Variants in PDE4D observed in about 807,000 individuals in gnomAD.
PDE4D encodes 3',5'-cyclic-AMP phosphodiesterase 4D.
PDE4D carries 24 observed loss-of-function variants against 87.4 expected under a neutral mutation model. That is an observed-to-expected ratio of 0.27 (90% confidence interval 0.20 to 0.39). The LOEUF is 0.39. Ranked by LOEUF, PDE4D falls within the 10% of genes least tolerant of loss-of-function variation. PDE4D has a pLI of 1.00. For missense variants in PDE4D, 714 were observed against 1,041.0 expected, an observed-to-expected ratio of 0.69 and a Z score of 4.32; for synonymous variants, 384 against 383.2, an observed-to-expected ratio of 1.00 and a Z score of -0.02.
chr5:59,796,054 G>T (rs1766444432), intron 1 of PDE4D, among the ~76,000 whole-genome samples: 1 of 152,164 alleles, frequency 6.6e-6, no homozygotes, highest in African/African-American at 2.4e-5. Context: ...CTGGCCTCCA[G>T]AACTGTGAGA....
chr5:60,343,564 C>T (rs1758490377), intron 1 of PDE4D, among the ~76,000 whole-genome samples: 1 of 152,186 alleles, frequency 6.6e-6, no homozygotes, highest in Non-Finnish European at 1.5e-5. Flanking sequence ...TTGCCTGTCA[C>T]ACATCCATTC....
chr5:59,310,045 C>G (rs1404605475), intron 1 of PDE4D, among the ~76,000 whole-genome samples: 1 of 152,164 alleles, frequency 6.6e-6, no homozygotes, highest in East Asian at 1.9e-4. Context: ...TAGCAGATTC[C>G]TCAGTTCATC....
chr5:59,459,789 A>G lies in PDE4D; in HGVS notation c.456-243821T>C, dbSNP rs893239914. Among the ~76,000 whole-genome samples, 56 of 152,214 alleles carry G rather than the reference A, an allele frequency of 3.7e-4. 1 individual carries two copies. The highest frequency in any genetic ancestry group is 1.1e-3 in the African/African-American group (47 of 41,462). On this transcript the variant is annotated intron_variant, in intron 1 of 14. Transcript: ENST00000340635. Reference sequence around the variant, plus strand: ...AGTCCTGTGTGGTTGTTAACTAATCACAGATCTCTAATCATCTGACAAAGT... The same window carrying G: ...AGTCCTGTGTGGTTGTTAACTAATCGCAGATCTCTAATCATCTGACAAAGT...
chr5:58,987,677 TCAA>T (rs1179170130), intron 11 of PDE4D, among the ~76,000 whole-genome samples: 6 of 152,312 alleles, frequency 3.9e-5, no homozygotes, highest in African/African-American at 1.2e-4. Flanking sequence ...TACAACATTT[TCAA>T]CAACTTTGCA....
At chr5:59,447,182 T>C (rs1205907609) in intron 1 of PDE4D, among the ~76,000 whole-genome samples, 1 of 152,198 alleles carries the variant, frequency 6.6e-6, no homozygotes, top group Non-Finnish European at 1.5e-5. Context: ...CCAAGAATCT[T>C]ACCTTCACTC....
intron 1 of PDE4D, among the ~76,000 whole-genome samples, chr5:59,819,057 C>T (rs185326161): frequency 2.8e-4 from 42 of 152,230 alleles, no homozygotes; most frequent in Middle Eastern, 6.8e-3. Context: ...TTGATCTATA[C>T]GTGCCTTATA....
At chr5:59,427,006 C>A (rs1297774911) in intron 1 of PDE4D, among the ~76,000 whole-genome samples, 2 of 26,994 alleles carry the variant, frequency 7.4e-5, no homozygotes, top group Admixed American at 3.5e-4. Context: ...TATACACACA[C>A]ACACACACAC....
At chr5:59,996,432 C>G (rs1389106962) in intron 2 of PDE4D, among the ~76,000 whole-genome samples, 2 of 152,170 alleles carry the variant, frequency 1.3e-5, no homozygotes, top group East Asian at 1.9e-4. Context: ...GACTAGGATA[C>G]AATTTAATAG....
chr5:59,413,682 A>G (rs1293443413), intron 1 of PDE4D, among the ~76,000 whole-genome samples: 1 of 152,184 alleles, frequency 6.6e-6, no homozygotes, highest in Non-Finnish European at 1.5e-5. Flanking sequence ...GCGGGAAATA[A>G]TAACATCAAA....
chr5:59,212,671 C>T (rs1359297080), intron 2 of PDE4D, among the ~76,000 whole-genome samples: 1 of 151,862 alleles, frequency 6.6e-6, no homozygotes, highest in African/African-American at 2.4e-5. Context: ...CAATCTATCC[C>T]AAACTCAGTT....
intron 1 of PDE4D, among the ~76,000 whole-genome samples, chr5:60,257,253 A>AAAGAAAGAAAGAAAGAAAGAAAG (rs1749177272): frequency 7.0e-6 from 1 of 143,076 alleles, no homozygotes; most frequent in African/African-American, 2.6e-5. Context: ...AGAAAGAAAG[A>AAAGAAAGAAAGAAAGAAAGAAAG]AAAGAAAAGA....
intron 1 of PDE4D, chr5:60,430,026 G>T: frequency 3.8e-6 from 2 of 522,198 alleles, no homozygotes; most frequent in Non-Finnish European, 7.7e-6. Flanking sequence ...ACCGAACATG[G>T]ATACAGTATG....
intron 1 of PDE4D, among the ~76,000 whole-genome samples, chr5:60,428,653 A>C (rs1373705125): frequency 3.9e-5 from 6 of 152,230 alleles, no homozygotes; most frequent in Non-Finnish European, 7.3e-5. Flanking sequence ...CTTCACAAAT[A>C]GTATTTACTT....
intron 1 of PDE4D, among the ~76,000 whole-genome samples, chr5:60,288,395 G>GCAAATGTC (rs1752606907): frequency 6.6e-6 from 1 of 152,122 alleles, no homozygotes. Context: ...AATTCAAAAT[G>GCAAATGTC]CAAATGTCCT....
At chr5:59,778,812 G>A (rs1006153321) in intron 1 of PDE4D, among the ~76,000 whole-genome samples, 15 of 152,156 alleles carry the variant, frequency 9.9e-5, no homozygotes, top group Admixed American at 9.2e-4. Flanking sequence ...GGCTAAAAAG[G>A]TAGGGTGTTC....
chr5:59,443,348 T>C (rs561551558), intron 1 of PDE4D, among the ~76,000 whole-genome samples: 56 of 152,312 alleles, frequency 3.7e-4, no homozygotes, highest in South Asian at 8.3e-4. Context: ...AAGAAATAGA[T>C]AAAGACAGCA....
rs1058459 is a variant in PDE4D, at chr5:58,974,706, C to A, written c.2388G>T (p.Gln796His). Reference protein sequence around the residue: ...EEAVGEEEESQPEACVIDDRS... With the variant: ...EEAVGEEEESHPEACVIDDRS... ...GATCATCTATGACACAGGCTTCAGGCTGGCTTTCCTCTTCTTCCCCTACTG... is the reference window on the plus strand; with the variant it reads ...GATCATCTATGACACAGGCTTCAGGATGGCTTTCCTCTTCTTCCCCTACTG... The change falls in exon 15 of 15, where the codon CAG (glutamine) becomes CAT (histidine). Residue 796 changes from glutamine to histidine, a missense_variant. Gln to His is a conservative substitution (Grantham distance 24, BLOSUM62 0). This residue lies in a region of PDE4D where 90 missense variants were observed against 95.3 expected (regional missense o/e 0.94). Coordinates refer to ENST00000340635, the MANE Select transcript of PDE4D (RefSeq NM_001104631.2). 2 of 1,610,102 alleles carry A rather than the reference C, an allele frequency of 1.2e-6. No homozygotes were observed. Among genetic ancestry groups the A allele is most frequent in the African/African-American group, 2.7e-5 (2 of 74,746 alleles).
intron 1 of PDE4D, among the ~76,000 whole-genome samples, chr5:59,636,812 C>T (rs948469168): frequency 6.6e-6 from 1 of 152,162 alleles, no homozygotes; most frequent in Non-Finnish European, 1.5e-5. Flanking sequence ...TAGAAGAAAA[C>T]CTAGGCAATA....
chr5:59,768,924 G>C (rs1763163908), intron 1 of PDE4D, among the ~76,000 whole-genome samples: 1 of 152,200 alleles, frequency 6.6e-6, no homozygotes, highest in Non-Finnish European at 1.5e-5. Context: ...GATGCCTGCT[G>C]CTGGGTTGTT....
Sources: allele counts gnomAD v4.1 joint callset (sites outside exome capture counted in the v4.1 genomes callset), GRCh38; gene constraint gnomAD v4.1.1; regional missense constraint gnomAD v4.1.1; transcripts MANE v1.5; gene names NCBI Gene and HGNC (gene_info 2026-07-23, HGNC 2026-07-21).